DNAH7: variants seen among roughly 807,000 people sequenced by gnomAD.
DNAH7 encodes the protein dynein axonemal heavy chain 7.
DNAH7 carries 397 observed loss-of-function variants against 444.6 expected under a neutral mutation model. That is an observed-to-expected ratio of 0.89 (90% CI 0.82 to 0.97). The LOEUF (loss-of-function observed/expected upper bound fraction) is 0.97. Ranked by LOEUF, DNAH7 falls within the 50% of genes least tolerant of loss-of-function variation. The pLI is 0.00. For synonymous variants in DNAH7, 1,636 were observed against 1,624.4 expected, an observed-to-expected ratio of 1.01 and a Z score of -0.17; for missense variants, 4,902 against 4,800.8, an observed-to-expected ratio of 1.02 and a Z score of -0.62.
chr2:195,935,524 A>G lies in DNAH7; in HGVS notation c.3273-735T>C, dbSNP rs117238327. ...CACTGTTTATATCAGATGCTCTTCT[A>G]AAGATTGGGGAATCAGCAGTGGGAA... On this transcript the variant is annotated intron_variant, in intron 20 of 64. Coordinates refer to ENST00000312428, the MANE Select transcript of DNAH7 (RefSeq NM_018897.3). Among the ~76,000 whole-genome samples the G allele has an allele frequency of 8.5e-5, 13 of 152,366 alleles. No homozygotes were observed. The East Asian group carries it at 2.3e-3, about 27-fold the overall frequency.
chr2:195,972,770 T>C (rs1691933255), intron 15 of DNAH7, among the ~76,000 whole-genome samples: 1 of 152,216 alleles, frequency 6.6e-6, no homozygotes, highest in South Asian at 2.1e-4. Flanking sequence ...AGTTACTCTT[T>C]CAGAGTAACA....
rs368148606 is a variant in DNAH7, at chr2:195,889,653, G to A, written c.5047-672C>T. Among the ~76,000 whole-genome samples, 3 of 152,182 alleles carry A rather than the reference G, an allele frequency of 2.0e-5. No individual in the cohort carries two copies. The East Asian group carries it at 5.8e-4, about 29-fold the overall frequency. On this transcript the variant is annotated intron_variant, in intron 31 of 64. Transcript: ENST00000312428. ...TTTCTGAATTCAAATATATTAACAT[G>A]TTTTAGAAAGTAATATAAGTAAAAA...
intron 49 of DNAH7, among the ~76,000 whole-genome samples, chr2:195,819,053 T>C (rs1302483896): frequency 3.3e-5 from 5 of 151,992 alleles, no homozygotes; most frequent in Non-Finnish European, 7.4e-5. Context: ...TGGAATCCCA[T>C]ACACACTATC....
intron 15 of DNAH7, among the ~76,000 whole-genome samples, chr2:195,979,592 T>C (rs970968851): frequency 6.6e-6 from 1 of 151,916 alleles, no homozygotes; most frequent in African/African-American, 2.4e-5. Context: ...AACCCAAAAT[T>C]AGTCTAAGAA....
At chr2:195,738,563 G>C (rs1308958943) in intron 64 of DNAH7, among the ~76,000 whole-genome samples, 1 of 152,040 alleles carries the variant, frequency 6.6e-6, no homozygotes. Context: ...CCCATTTTAG[G>C]AGACTATTAT....
chr2:195,937,094 G>A (rs929079344), intron 19 of DNAH7, among the ~76,000 whole-genome samples: 4 of 152,106 alleles, frequency 2.6e-5, no homozygotes, highest in African/African-American at 9.7e-5. Flanking sequence ...AAGAAGGACA[G>A]TGGAAACAAA....
chr2:195,744,436 AC>A (rs1244368872), intron 63 of DNAH7, among the ~76,000 whole-genome samples: 1 of 152,126 alleles, frequency 6.6e-6, no homozygotes, highest in African/African-American at 2.4e-5. Context: ...AGACAAACAA[AC>A]AAAAAGACAG....
chr2:196,001,132 G>C (rs972924797), intron 11 of DNAH7, among the ~76,000 whole-genome samples: 1 of 152,164 alleles, frequency 6.6e-6, no homozygotes, highest in Non-Finnish European at 1.5e-5. Context: ...GTACATAGCA[G>C]TGGAGTTCTA....
rs753447957 is a variant in DNAH7, at chr2:195,754,453, G to T, written c.11648C>A (p.Ala3883Asp). The change falls in exon 63 of 65, where the codon GCC becomes GAC. Residue 3883 changes from alanine to aspartate, a missense_variant. Coordinates refer to ENST00000312428, the MANE Select transcript of DNAH7 (RefSeq NM_018897.3). ...FWLSGFFFTQ[A>D]FLTGAQQNYA... The stretch of plus-strand genomic sequence containing the variant: ...GTTCTGCTGGGCACCGGTCAGGAAG[G>T]CTTGTGTGAAGAAGAAGCCAGAAAG... 3 of 1,614,106 alleles carry T rather than the reference G, an allele frequency of 1.9e-6. No individual in the cohort carries two copies. Among genetic ancestry groups the T allele is most frequent in the Middle Eastern group, 1.6e-4 (1 of 6,062 alleles).
At chr2:195,896,618 G>T (rs1437571423) in intron 29 of DNAH7, among the ~76,000 whole-genome samples, 2 of 152,076 alleles carry the variant, frequency 1.3e-5, no homozygotes, top group African/African-American at 4.8e-5. Flanking sequence ...ATAAATGTTT[G>T]CTGAATGAAT....
At chr2:196,028,459 A>T (rs79995258) in intron 5 of DNAH7, among the ~76,000 whole-genome samples, 2,726 of 152,354 alleles carry the variant, frequency 0.018, 40 homozygotes, top group Admixed American at 0.03. Context: ...TGCAGAAGAC[A>T]CAGACACATT....
chr2:195,822,041 G>A (rs1407724155), intron 49 of DNAH7, among the ~76,000 whole-genome samples: 1 of 152,196 alleles, frequency 6.6e-6, no homozygotes, highest in East Asian at 1.9e-4. Flanking sequence ...GCAGACCATG[G>A]AGGCCACTAA....
At chr2:195,960,057 T>C (rs564572192) in intron 18 of DNAH7, among the ~76,000 whole-genome samples, 5 of 152,202 alleles carry the variant, frequency 3.3e-5, no homozygotes, top group Non-Finnish European at 7.3e-5. Context: ...AATGAAGCCA[T>C]TGATTATAAT....
intron 7 of DNAH7, among the ~76,000 whole-genome samples, chr2:196,025,254 C>T (rs1695612185): frequency 6.6e-6 from 1 of 152,100 alleles, no homozygotes; most frequent in Non-Finnish European, 1.5e-5. Flanking sequence ...ATAAAACAGT[C>T]TTGTTATAAA....
intron 19 of DNAH7, among the ~76,000 whole-genome samples, chr2:195,950,851 C>CACA (rs1690183099): frequency 2.7e-5 from 1 of 36,714 alleles, no homozygotes; most frequent in Non-Finnish European, 4.7e-5. Context: ...GACTCTGTCT[C>CACA]AAAAAAAAAA....
At position 195,755,142 on chromosome 2, in the gene DNAH7, C is replaced by T. The variant is rs568980174; in HGVS notation, c.11587-628G>A. ...CATAGTTGAACAGAAGAAGAGATCC[C>T]CATAAAGTCTGGTCAGATGGTTATG... On this transcript the variant is annotated intron_variant, in intron 62 of 64. Coordinates refer to ENST00000312428, the MANE Select transcript of DNAH7 (RefSeq NM_018897.3). Among the ~76,000 whole-genome samples, 163 of 152,236 alleles carry T rather than the reference C, an allele frequency of 1.1e-3. 2 individuals carry two copies. Among genetic ancestry groups the T allele is most frequent in the African/African-American group, 3.7e-3 (155 of 41,552 alleles).
chr2:195,828,134 T>C (rs1697872831), intron 48 of DNAH7, among the ~76,000 whole-genome samples: 1 of 152,172 alleles, frequency 6.6e-6, no homozygotes, highest in South Asian at 2.1e-4. Context: ...AAGAACTGTT[T>C]AAAAATTGAC....
chr2:195,866,342 TC>T (rs903145824), intron 40 of DNAH7, among the ~76,000 whole-genome samples: 1 of 152,040 alleles, frequency 6.6e-6, no homozygotes, highest in African/African-American at 2.4e-5. Context: ...CATAGTGTTA[TC>T]CTTTTTTTTT....
chr2:195,896,531 C>T (rs187190919), intron 29 of DNAH7, among the ~76,000 whole-genome samples: 24 of 152,174 alleles, frequency 1.6e-4, no homozygotes, highest in Middle Eastern at 6.8e-3. Flanking sequence ...AGTTGGAGTC[C>T]TGACTTCTAG....
Sources: allele counts gnomAD v4.1 joint callset (sites outside exome capture counted in the v4.1 genomes callset), GRCh38; gene constraint gnomAD v4.1.1; transcripts MANE v1.5; gene names NCBI Gene and HGNC (gene_info 2026-07-23, HGNC 2026-07-21).